LMBR1L: variants seen among roughly 807,000 people sequenced by gnomAD.
LMBR1L encodes the protein protein LMBR1L.
LMBR1L carries 47 observed loss-of-function variants against 67.3 expected under a neutral mutation model. The observed-to-expected ratio is 0.70, with a 90% CI of 0.55 to 0.89. LMBR1L has a LOEUF of 0.89. Ranked by LOEUF, LMBR1L falls within the 40% of genes least tolerant of loss-of-function variation. The pLI is 0.00. For synonymous variants in LMBR1L, 247 were observed against 250.3 expected (o/e 0.99, Z 0.13); for missense variants, 533 against 599.2 (o/e 0.89, Z 1.15).
rs200188575 is a variant in LMBR1L at position 49,110,549 on chromosome 12, C to T, written c.7G>A (p.Ala3Thr). Reference protein sequence around the residue: MEAPDYEVLSVRE... With the variant: METPDYEVLSVRE... The stretch of plus-strand genomic sequence containing the variant: ...ACGGATAGCACTTCGTAGTCAGGTG[C>T]TTCCATACTCTGCTCAGCATGACTG... The change falls in exon 1 of 17, where the codon GCA becomes ACA. Residue 3 changes from alanine to threonine, a missense_variant. This residue lies in a region of LMBR1L where 246 missense variants were observed against 249.0 expected (regional missense o/e 0.99). Transcript: ENST00000267102. 33 of 1,614,002 alleles carry T rather than the reference C, an allele frequency of 2.0e-5. No individual in the cohort carries two copies. Among genetic ancestry groups the T allele is most frequent in the Admixed American group, 1.3e-4 (8 of 60,028 alleles).
At chr12:49,106,600 A>G (rs1940935694) in intron 2 of LMBR1L, 1 of 1,325,250 alleles carries the variant, frequency 7.5e-7, no homozygotes, top group Non-Finnish European at 1.0e-6. Flanking sequence ...GCACTAGGAG[A>G]GGAGATGACA....
intron 6 of LMBR1L, 151 bp downstream of exon 6, chr12:49,103,536 T>C (rs1940491805): frequency 2.3e-6 from 2 of 880,478 alleles, no homozygotes; most frequent in African/African-American, 3.4e-5. Context: ...TTTCTGCAGA[T>C]TGCATTTGGC....
rs114413686 is a variant in LMBR1L at position 49,105,976 on chromosome 12, C to A, written c.158-19G>T. On this transcript the variant is annotated intron_variant, in intron 2 of 16. Coordinates refer to ENST00000267102, the MANE Select transcript of LMBR1L (RefSeq NM_018113.4). ...TCATCCACTGTAAGAGACAGAGGCA[C>A]GGGGAACAGGCAGGAGGACATCAGG... 200 of 1,611,598 alleles carry A rather than the reference C, an allele frequency of 1.2e-4. No homozygotes were observed. The highest frequency in any genetic ancestry group is 1.7e-4 in the Non-Finnish European group (198 of 1,178,854).
chr12:49,100,624 C>G lies in LMBR1L; in HGVS notation c.1105G>C (p.Val369Leu). 6.2e-7 allele frequency: 1 copy of G among 1,613,962 alleles called. No individual in the cohort carries two copies. The highest frequency in any genetic ancestry group is 8.5e-7 in the Non-Finnish European group (1 of 1,179,874). ...AAGAGTGGAGAGCTATAGAAGCCCA[C>G]AACTGAGGACACCATTAGGTAACTG... is the stretch of plus-strand genomic sequence containing the variant. ...LIFYLMVSSV[V>L]GFYSSPLFRS... Residue 369 changes from valine (V) to leucine (L), a missense_variant, in exon 14 of 17, where the codon GTG becomes CTG. Physicochemically the swap from Val to Leu is conservative, Grantham distance 32 (BLOSUM62 1). Coordinates refer to ENST00000267102, the MANE Select transcript of LMBR1L (RefSeq NM_018113.4).
intron 1 of LMBR1L, 143 bp downstream of exon 1, chr12:49,110,339 CCG>C: frequency 1.3e-6 from 1 of 742,236 alleles, no homozygotes; most frequent in South Asian, 1.5e-5. Context: ...AGCCGGGCAC[CCG>C]CCCTTCTGCC....
At chr12:49,101,052 A>G (rs1271594131) in intron 13 of LMBR1L, 198 bp downstream of exon 13, 6 of 1,225,040 alleles carry the variant, frequency 4.9e-6, no homozygotes, top group Non-Finnish European at 6.6e-6. Context: ...TTCTGATCAG[A>G]TTCTACTGAA....
rs1331534820 is a variant in LMBR1L at position 49,098,124 on chromosome 12, G to A, written c.1241-19C>T. 3 of 1,602,634 alleles carry A rather than the reference G, an allele frequency of 1.9e-6. No individual in the cohort carries two copies. The Admixed American group carries it at 5.1e-5, about 27-fold the overall frequency. ...GTGAGCCCTGAAGCACAAAGGCCAG[G>A]ATGAGAGGTGGGCTCCCCAGGCCCT... On this transcript the variant is annotated intron_variant, in intron 15 of 16. Coordinates refer to ENST00000267102, the MANE Select transcript of LMBR1L (RefSeq NM_018113.4).
chr12:49,104,590 G>A, intron 4 of LMBR1L, 39 bp from the exon 5 acceptor site: 4 of 1,579,566 alleles, frequency 2.5e-6, no homozygotes, highest in Non-Finnish European at 3.5e-6. Flanking sequence ...GTCAGTAAGG[G>A]GAGGGGCAAC....
chr12:49,109,496 C>A (rs1472877914), intron 1 of LMBR1L, among the ~76,000 whole-genome samples: 1 of 152,332 alleles, frequency 6.6e-6, no homozygotes, highest in Non-Finnish European at 1.5e-5. Context: ...CTGCCCAGGG[C>A]TGGCTAGAGC....
At chr12:49,108,248 GCA>G (rs1941142321) in intron 1 of LMBR1L, among the ~76,000 whole-genome samples, 1 of 151,128 alleles carries the variant, frequency 6.6e-6, no homozygotes, top group Non-Finnish European at 1.5e-5. Context: ...GGGTGACAGA[GCA>G]AGACTCCATC....
At chr12:49,107,203 G>C (rs1168596422) in intron 1 of LMBR1L, 158 bp from the exon 2 acceptor site, 1 of 590,270 alleles carries the variant, frequency 1.7e-6, no homozygotes, top group African/African-American at 1.9e-5. Flanking sequence ...TGATCCCCCA[G>C]GTACTTCCTT....
At chr12:49,102,042 C>T (rs1940257354) in intron 11 of LMBR1L, 78 bp downstream of exon 11, 1 of 1,264,792 alleles carries the variant, frequency 7.9e-7, no homozygotes, top group African/African-American at 1.5e-5. Flanking sequence ...AACCAGGTCC[C>T]TGCATTGCCT....
At chr12:49,104,665 G>A (rs976711086) in intron 4 of LMBR1L, 81 bp downstream of exon 4, 134 of 1,589,996 alleles carry the variant, frequency 8.4e-5, no homozygotes, top group Non-Finnish European at 1.0e-4. Flanking sequence ...ACTGCTTGGC[G>A]CACGGCTGCC....
intron 1 of LMBR1L, among the ~76,000 whole-genome samples, chr12:49,109,394 G>A (rs907269504): frequency 6.6e-6 from 1 of 151,900 alleles, no homozygotes; most frequent in African/African-American, 2.4e-5. Flanking sequence ...TTCTACTGGA[G>A]TTGCACACAC....
At chr12:49,109,304 G>A (rs1335259966) in intron 1 of LMBR1L, among the ~76,000 whole-genome samples, 4 of 152,248 alleles carry the variant, frequency 2.6e-5, no homozygotes, top group African/African-American at 9.6e-5. Context: ...CAAGGCCTGG[G>A]TGTGCCTCTG....
intron 3 of LMBR1L, among the ~76,000 whole-genome samples, chr12:49,105,396 TA>T (rs1215791909): frequency 3.3e-5 from 5 of 152,290 alleles, no homozygotes; most frequent in Admixed American, 6.5e-5. Flanking sequence ...GGGCTGCATA[TA>T]TTGAAGATGG....
chr12:49,110,120 A>G (rs1941371576), intron 1 of LMBR1L: 1 of 495,060 alleles, frequency 2.0e-6, no homozygotes, highest in Non-Finnish European at 3.9e-6. Context: ...TTTGCCCTCA[A>G]CCCAGTTTGA....
chr12:49,102,363 G>A lies in LMBR1L; in HGVS notation c.783C>T (p.Cys261=), dbSNP rs1940309802. 2.5e-6 allele frequency: 4 copies of A among 1,614,110 alleles called. No homozygotes were observed. Among genetic ancestry groups the A allele is most frequent in the Non-Finnish European group, 3.4e-6 (4 of 1,180,028 alleles). Residue 261 remains cysteine, a synonymous_variant, in exon 10 of 17, where the codon TGC becomes TGT. Transcript: ENST00000267102. ...GCAGCTCCATGTCTAAAGGCAGCCA[G>A]CAGGAAGTAGGATCTGAGGGCAGAG... is the stretch of plus-strand genomic sequence containing the variant. ...LTRRICNPTS[C]WLPLDMELLH... is the part of the protein sequence containing the mutation.
chr12:49,100,256 G>A, intron 15 of LMBR1L, 132 bp downstream of exon 15: 1 of 761,836 alleles, frequency 1.3e-6, no homozygotes, highest in South Asian at 1.5e-5. Flanking sequence ...TTCCTCATCT[G>A]TATAATGCGG....
Sources: gnomAD v4.1 joint callset for allele counts (sites outside exome capture counted in the v4.1 genomes callset) on GRCh38, gnomAD v4.1.1 for gene constraint, gnomAD v4.1.1 regional missense constraint, MANE v1.5 for transcripts, NCBI Gene and HGNC (gene_info 2026-07-23, HGNC 2026-07-21) for gene names.